MRPS31: variants seen among roughly 807,000 people sequenced by gnomAD.
MRPS31 encodes the protein mitochondrial ribosomal protein S31.
A neutral mutation model predicts 43.1 loss-of-function variants in MRPS31; 32 were observed. The observed-to-expected ratio is 0.74, with a 90% confidence interval of 0.56 to 1.00. MRPS31 has a LOEUF of 1.00. MRPS31 is among the 50% of genes least tolerant of loss of function. The pLI, the probability that MRPS31 is intolerant of heterozygous loss-of-function variation, is 0.00. For synonymous variants in MRPS31, 165 were observed against 161.6 expected, an observed-to-expected ratio of 1.02 and a Z score of -0.16; for missense variants, 437 against 466.7, an observed-to-expected ratio of 0.94 and a Z score of 0.59.
In MRPS31 at chr13:40,766,746, C is replaced by T; in HGVS notation, c.440G>A (p.Arg147Lys). ...ACATCTGAATTACAATTAAATTTAC[C>T]TCTTCTTTGGAGCATATTCTGTAGC... ...RRATEYAPKKRIEPLSPELVA... is the reference protein window; with the variant it reads ...RRATEYAPKKKIEPLSPELVA... The change falls in exon 2 of 7, where the codon AGA (arginine) becomes AAA (lysine). Residue 147 changes from arginine to lysine, a missense_variant and splice_region_variant. By Grantham distance (26) the Arg-to-Lys change is conservative. Transcript: ENST00000323563. 6.4e-7 allele frequency: 1 copy of T among 1,573,554 alleles called. No homozygotes were observed. Among genetic ancestry groups the T allele is most frequent in the Non-Finnish European group, 8.6e-7 (1 of 1,162,734 alleles).
chr13:40,746,826 A>G (rs1413123769), intron 6 of MRPS31, among the ~76,000 whole-genome samples: 1 of 152,192 alleles, frequency 6.6e-6, no homozygotes, highest in African/African-American at 2.4e-5. Context: ...ACCCCTTCAC[A>G]ATGTTGTTGC....
chr13:40,747,584 T>C (rs1880273919), intron 6 of MRPS31, among the ~76,000 whole-genome samples: 2 of 152,164 alleles, frequency 1.3e-5, no homozygotes, highest in Admixed American at 6.5e-5. Context: ...GCAGGTACTA[T>C]ATGAATATAC....
intron 2 of MRPS31, among the ~76,000 whole-genome samples, chr13:40,764,061 T>C (rs928934863): frequency 6.6e-6 from 1 of 152,188 alleles, no homozygotes; most frequent in Non-Finnish European, 1.5e-5. Context: ...TCCCAAACTG[T>C]GTCCTAAGGT....
At chr13:40,763,682 A>G (rs566054376) in intron 2 of MRPS31, among the ~76,000 whole-genome samples, 1 of 152,320 alleles carries the variant, frequency 6.6e-6, no homozygotes, top group Admixed American at 6.5e-5. Flanking sequence ...ATTGCCATAT[A>G]TCCATCAAAA....
chr13:40,766,201 C>A (rs537847878), intron 2 of MRPS31, among the ~76,000 whole-genome samples: 1 of 152,270 alleles, frequency 6.6e-6, no homozygotes, highest in South Asian at 2.1e-4. Flanking sequence ...TCAATGAGAT[C>A]ATTTCTCCTT....
rs1162996078 is a variant in MRPS31, at chr13:40,761,962, C to CTGGGCA, written c.441-2862_441-2857dup. Among the ~76,000 whole-genome samples the CTGGGCA allele has an allele frequency of 4.8e-4, 73 of 151,318 alleles. 2 individuals are homozygous for CTGGGCA. On this transcript the variant is annotated intron_variant, in intron 2 of 6. Transcript: ENST00000323563. ...AAAGAAAGAAAGAAAAAATAAACAG[C>CTGGGCA]TGGGCATGGTGGCTCACGCCTGTTA...
In MRPS31 at chr13:40,741,888, T is replaced by TACACACACACAC. The variant is rs61011673; in HGVS notation, c.958+7238_958+7249dup. ...CAAGATATATTGCTAAGTAACAAAATACACACACACACACACACACACACA... is the reference window on the plus strand; with the variant it reads ...CAAGATATATTGCTAAGTAACAAAATACACACACACACACACACACACACACACACACACACA... On this transcript the variant is annotated intron_variant, in intron 6 of 6. Transcript: ENST00000323563. Among the ~76,000 whole-genome samples the TACACACACACAC allele has an allele frequency of 8.8e-3, 1,235 of 140,798 alleles. 26 individuals are homozygous for TACACACACACAC. Among genetic ancestry groups the TACACACACACAC allele is most frequent in the African/African-American group, 0.032 (1,160 of 36,638 alleles). 92.4% of individuals were successfully genotyped at this position (140,798 alleles called of 152,430 possible). A position where few individuals can be genotyped will look rare whatever the true frequency, so the allele number is the denominator to read the frequency against.
At chr13:40,770,130 T>C (rs901199845) in intron 1 of MRPS31, among the ~76,000 whole-genome samples, 6 of 152,224 alleles carry the variant, frequency 3.9e-5, no homozygotes, top group Non-Finnish European at 7.3e-5. Context: ...AAATTTTTGC[T>C]ATCTCTGACT....
chr13:40,749,304 A>G (rs879920781), intron 5 of MRPS31, 23 bp from the exon 6 acceptor site: 1 of 1,527,038 alleles, frequency 6.5e-7, no homozygotes, highest in Non-Finnish European at 8.7e-7. Context: ...GACATTTTAG[A>G]TAACAACAAG....
At position 40,729,519 on chromosome 13, in the gene MRPS31, A is replaced by T; in HGVS notation, c.1041T>A (p.Ile347=). The part of the protein sequence containing the change: ...HLESFPKQGP[I]RHFMELVTCG... ...AAGTCACCAGCTCCATGAAGTGGCGAATTGGTCCTTGTTTTGGAAAGCTCT... is the reference window on the plus strand; with the variant it reads ...AAGTCACCAGCTCCATGAAGTGGCGTATTGGTCCTTGTTTTGGAAAGCTCT... Residue 347 remains isoleucine, a synonymous_variant, in exon 7 of 7, where the codon ATT becomes ATA. Transcript: ENST00000323563. 1 of 1,614,156 alleles carries T rather than the reference A, an allele frequency of 6.2e-7. No homozygotes were observed. Among genetic ancestry groups the T allele is most frequent in the Non-Finnish European group, 8.5e-7 (1 of 1,180,006 alleles).
chr13:40,767,040 A>G lies in MRPS31; in HGVS notation c.153-7T>C. On this transcript the variant is annotated splice_region_variant and splice_polypyrimidine_tract_variant and intron_variant, in intron 1 of 6. Transcript: ENST00000323563. ...TTGGATGTTATTTTTTGTCCTGGAA[A>G]GATGCATTAAAGAAAAAAATGAAAA... 1 of 1,588,162 alleles carries G rather than the reference A, an allele frequency of 6.3e-7. No individual in the cohort carries two copies. The highest frequency in any genetic ancestry group is 1.9e-5 in the Admixed American group (1 of 53,184).
intron 1 of MRPS31, 139 bp downstream of exon 1, chr13:40,770,846 G>T: frequency 8.7e-7 from 1 of 1,148,920 alleles, no homozygotes. Flanking sequence ...TATGACCTTG[G>T]GCAAGTCATC....
At chr13:40,733,959 CAAAAAAAA>C (rs61512285) in intron 6 of MRPS31, among the ~76,000 whole-genome samples, 1 of 56,664 alleles carries the variant, frequency 1.8e-5, no homozygotes, top group Non-Finnish European at 3.3e-5. Context: ...GACTCTGACT[CAAAAAAAA>C]AAAAAAAAAA....
At chr13:40,741,829 G>C (rs1441679307) in intron 6 of MRPS31, among the ~76,000 whole-genome samples, 2 of 149,652 alleles carry the variant, frequency 1.3e-5, no homozygotes, top group Non-Finnish European at 3.0e-5. Flanking sequence ...AAATGAATAA[G>C]GTCTATCTCT....
At chr13:40,747,230 C>T (rs1349216041) in intron 6 of MRPS31, among the ~76,000 whole-genome samples, 1 of 152,122 alleles carries the variant, frequency 6.6e-6, no homozygotes, top group Non-Finnish European at 1.5e-5. Flanking sequence ...AGGCATGAGC[C>T]ACTGTGCCCG....
intron 3 of MRPS31, among the ~76,000 whole-genome samples, chr13:40,758,182 C>T (rs530063779): frequency 5.3e-4 from 81 of 151,610 alleles, no homozygotes; most frequent in African/African-American, 1.7e-3. Flanking sequence ...GCCTCAGCAT[C>T]CAAAGTAGCT....
At chr13:40,738,953 G>T (rs1402379091) in intron 6 of MRPS31, among the ~76,000 whole-genome samples, 1 of 152,140 alleles carries the variant, frequency 6.6e-6, no homozygotes, top group African/African-American at 2.4e-5. Context: ...TTAGGCAGTA[G>T]AAAGAAATAA....
intron 6 of MRPS31, among the ~76,000 whole-genome samples, chr13:40,742,485 C>T (rs972068280): frequency 6.6e-6 from 1 of 152,176 alleles, no homozygotes; most frequent in African/African-American, 2.4e-5. Context: ...TACTTTAAGG[C>T]TCCTGTTCAC....
rs749899603 is a variant in MRPS31, at chr13:40,756,918, T to C, written c.695A>G (p.Tyr232Cys). The C allele has an allele frequency of 1.3e-5, 21 of 1,613,940 alleles. No homozygotes were observed. Among genetic ancestry groups the C allele is most frequent in the East Asian group, 4.5e-5 (2 of 44,882 alleles). ...CTTCTCCTGGCCAGGATAATTGTCA[T>C]AGCCTTCATCAAACTGAATCCGAAG... Reference protein sequence around the residue: ...PELRIQFDEGYDNYPGQEKTD... With the variant: ...PELRIQFDEGCDNYPGQEKTD... The change falls in exon 4 of 7, where the codon TAT (tyrosine) becomes TGT (cysteine). Residue 232 changes from tyrosine to cysteine, a missense_variant. Tyr to Cys is a radical substitution (Grantham distance 194, BLOSUM62 -2). Transcript: ENST00000323563.
Sources: gnomAD v4.1 joint callset for allele counts (sites outside exome capture counted in the v4.1 genomes callset) on GRCh38, gnomAD v4.1.1 for gene constraint, MANE v1.5 for transcripts, NCBI Gene and HGNC (gene_info 2026-07-23, HGNC 2026-07-21) for gene names.